The following CELSR2 variants were observed in gnomAD, a reference collection of about 807,000 sequenced individuals.
CELSR2 encodes cadherin EGF LAG seven-pass G-type receptor 2, also known as EGF-like protein 2.
A neutral mutation model predicts 251.6 loss-of-function variants in CELSR2; 81 were observed. The observed-to-expected ratio is 0.32, with a 90% CI of 0.27 to 0.39. The LOEUF is 0.39. CELSR2 is among the 10% of genes least tolerant of loss of function. The pLI, the probability that CELSR2 is intolerant of heterozygous loss-of-function variation, is 1.00. For synonymous variants in CELSR2, 1,721 were observed against 1,670.5 expected (o/e 1.03, Z -0.74); for missense variants, 3,365 against 3,947.7 (o/e 0.85, Z 3.96).
intron 28 of CELSR2, among the ~76,000 whole-genome samples, 164 bp from the exon 29 acceptor site, chr1:109,272,114 C>G (rs1440478910): frequency 2.0e-5 from 3 of 152,170 alleles, no homozygotes; most frequent in African/African-American, 7.2e-5. Context: ...GCTGTGACCA[C>G]TGCCAGGCCT....
chr1:109,272,242 A>T, intron 28 of CELSR2, 36 bp from the exon 29 acceptor site: 1 of 1,528,190 alleles, frequency 6.5e-7, no homozygotes, highest in Non-Finnish European at 8.8e-7. Flanking sequence ...CAGCCATCCC[A>T]CTCCCCACTT....
In CELSR2 at chr1:109,253,204, C is replaced by T; in HGVS notation, c.3125C>T (p.Pro1042Leu). The T allele has an allele frequency of 1.2e-6, 2 of 1,613,594 alleles. No individual in the cohort carries two copies. Among genetic ancestry groups the T allele is most frequent in the Non-Finnish European group, 1.7e-6 (2 of 1,180,046 alleles). The change falls in exon 1 of 34, where the codon CCT becomes CTT. Residue 1042 changes from proline (P) to leucine (L), a missense_variant. Pro to Leu is a moderately conservative substitution (Grantham distance 98). Transcript: ENST00000271332. ...GTCACCAATCGCTCAAGCAGCTTCC[C>T]TGGGGGTGCCATTGGCCGAGTACCT... ...NYVTNRSSSF[P>L]GGAIGRVPAH... is the part of the protein sequence containing the mutation.
At chr1:109,272,441 G>T (rs1433027905) in intron 29 of CELSR2, 36 bp downstream of exon 29, 1 of 1,588,800 alleles carries the variant, frequency 6.3e-7, no homozygotes. Context: ...AGGAGGGGAG[G>T]AGGGGCCCAC....
chr1:109,274,117 G>A lies in CELSR2; in HGVS notation c.*68G>A. On this transcript the variant is annotated 3_prime_UTR_variant, in exon 34 of 34. Transcript: ENST00000271332. ...CCAGCCGCACTCATGCCCTGCTCCT[G>A]TCTTGTGCTTTATCCTGCCCCGCTC... 6.2e-7 allele frequency: 1 copy of A among 1,612,972 alleles called. No individual in the cohort carries two copies. Among genetic ancestry groups the A allele is most frequent in the Non-Finnish European group, 8.5e-7 (1 of 1,179,924 alleles).
rs1484912050 is a variant in CELSR2 at position 109,274,168 on chromosome 1, G to C, written c.*119G>C. On this transcript the variant is annotated 3_prime_UTR_variant, in exon 34 of 34. Coordinates refer to ENST00000271332, the MANE Select transcript of CELSR2 (RefSeq NM_001408.3). ...CCCATCGCCTGCCCGCAGCAGCGACGAAACGTCCATCTGAGGAGCCTGGGC... is the reference window on the plus strand; with the variant it reads ...CCCATCGCCTGCCCGCAGCAGCGACCAAACGTCCATCTGAGGAGCCTGGGC... 5.6e-6 allele frequency: 9 copies of C among 1,597,400 alleles called. No homozygotes were observed. The highest frequency in any genetic ancestry group is 3.4e-5 in the Admixed American group (2 of 59,592).
intron 33 of CELSR2, 109 bp from the exon 34 acceptor site, chr1:109,273,913 T>C (rs1246942544): frequency 2.8e-6 from 4 of 1,429,108 alleles, no homozygotes; most frequent in Non-Finnish European, 4.0e-6. Flanking sequence ...GATGGGGAGC[T>C]GGGGGTGCTT....
At position 109,265,018 on chromosome 1, in the gene CELSR2, A is replaced by G; in HGVS notation, c.5606+9A>G. On this transcript the variant is annotated intron_variant, in intron 12 of 33. Coordinates refer to ENST00000271332, the MANE Select transcript of CELSR2 (RefSeq NM_001408.3). ...CCATACTGTGAGACCAGGTAAGCAG[A>G]CCAGGGCATGTGGCAGCAGGTCCCA... The G allele has an allele frequency of 6.2e-7, 1 of 1,614,080 alleles. No homozygotes were observed.
intron 2 of CELSR2, 70 bp from the exon 3 acceptor site, chr1:109,260,972 G>A (rs1281902407): frequency 1.5e-5 from 19 of 1,246,582 alleles, no homozygotes; most frequent in East Asian, 2.3e-5. Flanking sequence ...CTATCACTGG[G>A]TTGTGGGGGG....
chr1:109,268,171 G>A (rs1428519442), intron 17 of CELSR2, 111 bp downstream of exon 17: 2 of 1,438,430 alleles, frequency 1.4e-6, no homozygotes, highest in African/African-American at 1.4e-5. Context: ...CCTACAAGGA[G>A]CTCCCTGCTG....
rs759106174 is a variant in CELSR2 at position 109,252,024 on chromosome 1, A to G, written c.1945A>G (p.Ser649Gly). ...TAGTGTCATCACCTACCAGATCACCAGTGGCAATACTCGAAACCGCTTCTC... is the reference window on the plus strand; with the variant it reads ...TAGTGTCATCACCTACCAGATCACCGGTGGCAATACTCGAAACCGCTTCTC... ...AHSVITYQITSGNTRNRFSIT... is the reference protein window; with the variant it reads ...AHSVITYQITGGNTRNRFSIT... Residue 649 changes from serine to glycine, a missense_variant, in exon 1 of 34, where the codon AGT (serine) becomes GGT (glycine). Transcript: ENST00000271332. The surrounding 1 kb of genome is among the most constrained non-coding windows in gnomAD (Gnocchi z 4.8). The G allele has an allele frequency of 1.2e-6, 2 of 1,614,112 alleles. No individual in the cohort carries two copies. Among genetic ancestry groups the G allele is most frequent in the South Asian group, 1.1e-5 (1 of 91,078 alleles).
chr1:109,250,924 C>A lies in CELSR2; in HGVS notation c.845C>A (p.Thr282Asn), dbSNP rs1557725782. The stretch of plus-strand genomic sequence containing the variant: ...ACACTCACCATCTTGGTTACTGACA[C>A]CAATGACCATGACCCTGTGTTCGAG... ...LATLTILVTDTNDHDPVFEQQ... is the reference protein window; with the variant it reads ...LATLTILVTDNNDHDPVFEQQ... Residue 282 changes from threonine to asparagine, a missense_variant, in exon 1 of 34, where the codon ACC becomes AAC. Coordinates refer to ENST00000271332, the MANE Select transcript of CELSR2 (RefSeq NM_001408.3). The surrounding 1 kb of genome is among the most constrained non-coding windows in gnomAD (Gnocchi z 4.4). 2 of 1,613,856 alleles carry A rather than the reference C, an allele frequency of 1.2e-6. No individual in the cohort carries two copies. The highest frequency in any genetic ancestry group is 1.1e-5 in the South Asian group (1 of 91,088).
intron 28 of CELSR2, 115 bp downstream of exon 28, chr1:109,271,837 G>T (rs1402931208): frequency 1.5e-6 from 2 of 1,319,844 alleles, no homozygotes; most frequent in Non-Finnish European, 2.1e-6. Flanking sequence ...CTTCCTGGAA[G>T]GTGGAAGGGG....
chr1:109,263,460 G>T, intron 8 of CELSR2, 151 bp from the exon 9 acceptor site: 2 of 1,360,950 alleles, frequency 1.5e-6, no homozygotes, highest in African/African-American at 2.9e-5. Flanking sequence ...GCACAGCGTG[G>T]GGCGGTCCCA....
chr1:109,257,251 G>A (rs553591879), intron 1 of CELSR2, among the ~76,000 whole-genome samples: 5 of 151,932 alleles, frequency 3.3e-5, no homozygotes, highest in Non-Finnish European at 1.5e-5. Context: ...TATTTGGGAG[G>A]TTGAGGTGGG....
rs1656071722 is a variant in CELSR2 at position 109,263,185 on chromosome 1, C to G, written c.4752C>G (p.His1584Gln). The G allele has an allele frequency of 6.2e-7, 1 of 1,600,874 alleles. No individual in the cohort carries two copies. The highest frequency in any genetic ancestry group is 1.7e-5 in the Admixed American group (1 of 59,790). The change falls in exon 8 of 34, where the codon CAC (histidine) becomes CAG (glutamine). Residue 1584 changes from histidine to glutamine, a missense_variant. Physicochemically the swap from His to Gln is conservative, Grantham distance 24 (BLOSUM62 0). This residue lies in a region of CELSR2 where 2,093 missense variants were observed against 2,382.8 expected (regional missense o/e 0.88). Transcript: ENST00000271332. ...ACGTGTGTGACAGCAACACTTGCCACAATGGGGGCACTTGCGTGAACCAGT... is the reference window on the plus strand; with the variant it reads ...ACGTGTGTGACAGCAACACTTGCCAGAATGGGGGCACTTGCGTGAACCAGT... ...KKNVCDSNTC[H>Q]NGGTCVNQWD...
rs574866841 is a variant in CELSR2, at chr1:109,266,092, C to T, written c.5912-13C>T. ...AGAGCTGCTCCTGGGTGACCATGTG[C>T]TCTTCCCCGCAGTGAATTATGACAG... On this transcript the variant is annotated splice_polypyrimidine_tract_variant and intron_variant, in intron 14 of 33. Transcript: ENST00000271332. 1.5e-5 allele frequency: 25 copies of T among 1,613,378 alleles called. No individual in the cohort carries two copies. In the African/African-American group the frequency reaches 2.9e-4, roughly 19 times the overall value.
intron 18 of CELSR2, 29 bp from the exon 19 acceptor site, chr1:109,268,851 G>GTCC: frequency 6.3e-7 from 1 of 1,590,456 alleles, no homozygotes; most frequent in Non-Finnish European, 8.6e-7. Context: ...TGCCTCACAG[G>GTCC]TCCGATCTGT....
At position 109,271,505 on chromosome 1, in the gene CELSR2, G is replaced by A. The variant is rs1318206428; in HGVS notation, c.7796G>A (p.Cys2599Tyr). ...CACTACCTCTTTGCTACCTGCAATT[G>A]CATCCAGGTACCTGGCCCAGCCTGT... ...LFHYLFATCN[C>Y]IQGPFIFLSY... The change falls in exon 27 of 34, where the codon TGC (cysteine) becomes TAC (tyrosine). Residue 2599 changes from cysteine (C) to tyrosine (Y), a missense_variant. Coordinates refer to ENST00000271332, the MANE Select transcript of CELSR2 (RefSeq NM_001408.3). The A allele has an allele frequency of 3.7e-6, 6 of 1,614,014 alleles. No homozygotes were observed. The highest frequency in any genetic ancestry group is 2.2e-5 in the East Asian group (1 of 44,896).
intron 16 of CELSR2, 66 bp downstream of exon 16, chr1:109,267,708 C>A: frequency 6.3e-7 from 1 of 1,576,854 alleles, no homozygotes; most frequent in Non-Finnish European, 8.7e-7. Flanking sequence ...TGCCCCCACT[C>A]CCATCTTTGA....
Sources: allele counts gnomAD v4.1 joint callset (sites outside exome capture counted in the v4.1 genomes callset), GRCh38; gene constraint gnomAD v4.1.1; regional missense constraint gnomAD v4.1.1; non-coding constraint Gnocchi (gnomAD v3.1); transcripts MANE v1.5; gene names NCBI Gene and HGNC (gene_info 2026-07-23, HGNC 2026-07-21).